The following PTPRT variants were observed in gnomAD, a reference collection of about 807,000 sequenced individuals.
PTPRT encodes the protein receptor-type tyrosine-protein phosphatase T.
PTPRT carries 56 observed loss-of-function variants against 176.8 expected under a neutral mutation model. The observed-to-expected ratio is 0.32, with a 90% CI of 0.26 to 0.40. The LOEUF (loss-of-function observed/expected upper bound fraction) is 0.40. Among genes scored for constraint, PTPRT ranks in the 10% least tolerant of loss-of-function variants. PTPRT has a pLI of 1.00. For missense variants in PTPRT, 1,540 were observed against 1,908.2 expected (o/e 0.81, Z 3.60); for synonymous variants, 783 against 739.0 (o/e 1.06, Z -0.96).
At chr20:43,141,342 T>C (rs2013996523) in intron 1 of PTPRT, among the ~76,000 whole-genome samples, 2 of 152,286 alleles carry the variant, frequency 1.3e-5, no homozygotes, top group South Asian at 4.2e-4. Context: ...GCATCTGTGA[T>C]CAGCAGCTGC....
chr20:42,917,277 T>A (rs1041765271), intron 1 of PTPRT, among the ~76,000 whole-genome samples: 2 of 152,168 alleles, frequency 1.3e-5, no homozygotes, highest in African/African-American at 4.8e-5. Flanking sequence ...GTTGTAGCTA[T>A]GCGGCATTAT....
intron 1 of PTPRT, among the ~76,000 whole-genome samples, chr20:42,949,106 T>C (rs1010345212): frequency 2.0e-5 from 3 of 152,142 alleles, no homozygotes; most frequent in Non-Finnish European, 4.4e-5. Context: ...AAACAGAAAC[T>C]TGGGATGCTT....
Position 43,112,363 on chromosome 20 carries a change from T to C in PTPRT, c.88+77283A>G, listed in dbSNP as rs138137300. On this transcript the variant is annotated intron_variant, in intron 1 of 30. Transcript: ENST00000373187. ...ATTGTAGAAATGGGATCCTCTTTGC[T>C]TGTAAACAATGGCATGGGAAATTTC... is the stretch of plus-strand genomic sequence containing the variant. 5.5e-3 allele frequency among the ~76,000 whole-genome samples: 838 copies of C among 152,310 alleles called. 7 individuals are homozygous for C. The highest frequency in any genetic ancestry group is 0.019 in the African/African-American group (799 of 41,582).
intron 1 of PTPRT, among the ~76,000 whole-genome samples, chr20:43,011,201 A>G (rs974965429): frequency 2.0e-5 from 3 of 152,198 alleles, no homozygotes; most frequent in Non-Finnish European, 2.9e-5. Context: ...AGCATTAGGC[A>G]GGCTACAGAG....
intron 1 of PTPRT, among the ~76,000 whole-genome samples, chr20:43,074,177 G>T (rs76382584): frequency 6.6e-6 from 1 of 152,154 alleles, no homozygotes; most frequent in Non-Finnish European, 1.5e-5. Flanking sequence ...ATGAAAAAAG[G>T]TTGAAAAACT....
At chr20:42,383,702 T>C (rs937046522) in intron 9 of PTPRT, among the ~76,000 whole-genome samples, 3 of 152,306 alleles carry the variant, frequency 2.0e-5, no homozygotes, top group Non-Finnish European at 4.4e-5. Context: ...AATACCACTA[T>C]ATCATGTGTA....
At chr20:42,543,437 T>C (rs2072618924) in intron 7 of PTPRT, among the ~76,000 whole-genome samples, 1 of 152,306 alleles carries the variant, frequency 6.6e-6, no homozygotes, top group African/African-American at 2.4e-5. Context: ...TTGCATCAAT[T>C]CAGCTATATC....
At chr20:42,984,992 C>G (rs770268960) in intron 1 of PTPRT, among the ~76,000 whole-genome samples, 43 of 152,148 alleles carry the variant, frequency 2.8e-4, no homozygotes, top group South Asian at 1.2e-3. Flanking sequence ...GGTAAGACAG[C>G]AGGCAATTCA....
At chr20:42,710,149 C>T (rs936106091) in intron 6 of PTPRT, among the ~76,000 whole-genome samples, 6 of 152,078 alleles carry the variant, frequency 3.9e-5, no homozygotes, top group African/African-American at 1.4e-4. Flanking sequence ...GCAGCCTGGC[C>T]ATATGGGAGA....
chr20:42,046,324 A>G, the PTPRT span, among the ~76,000 whole-genome samples: 1 of 152,258 alleles, frequency 6.6e-6, no homozygotes, highest in African/African-American at 2.4e-5. Context: ...TGGAGAATTC[A>G]ACAATGGCAC....
chr20:42,331,156 C>T (rs1269863102), intron 11 of PTPRT, among the ~76,000 whole-genome samples: 1 of 151,826 alleles, frequency 6.6e-6, no homozygotes, highest in Non-Finnish European at 1.5e-5. Context: ...CTTTATACTC[C>T]TGTCAAGTTC....
At chr20:43,099,876 C>CTAT (rs2012320108) in intron 1 of PTPRT, among the ~76,000 whole-genome samples, 1 of 152,140 alleles carries the variant, frequency 6.6e-6, no homozygotes, top group African/African-American at 2.4e-5. Context: ...GACTTCTCTT[C>CTAT]TATTAGCCCA....
At chr20:42,936,517 G>A (rs546776498) in intron 1 of PTPRT, among the ~76,000 whole-genome samples, 24 of 152,292 alleles carry the variant, frequency 1.6e-4, no homozygotes, top group African/African-American at 5.8e-4. Context: ...ACTGGTGGGG[G>A]GTGGCCTGAG....
At chr20:43,153,081 G>A (rs1386387809) in intron 1 of PTPRT, among the ~76,000 whole-genome samples, 1 of 152,140 alleles carries the variant, frequency 6.6e-6, no homozygotes, top group East Asian at 1.9e-4. Context: ...TAAGACCAAG[G>A]GGCATTTACC....
intron 18 of PTPRT, among the ~76,000 whole-genome samples, chr20:42,131,426 C>T (rs1378060669): frequency 6.6e-6 from 1 of 152,062 alleles, no homozygotes; most frequent in Non-Finnish European, 1.5e-5. Context: ...GCCCCTGGGG[C>T]CCATAGCACT....
At chr20:42,169,976 T>C (rs1990009740) in intron 16 of PTPRT, among the ~76,000 whole-genome samples, 1 of 152,174 alleles carries the variant, frequency 6.6e-6, no homozygotes. Context: ...AATAAAAATC[T>C]TTTATATGAT....
intron 7 of PTPRT, among the ~76,000 whole-genome samples, chr20:42,500,539 T>C (rs558667786): frequency 2.0e-5 from 3 of 152,218 alleles, no homozygotes; most frequent in Non-Finnish European, 2.9e-5. Context: ...TAGTATAACA[T>C]TGTTTTGCTT....
chr20:42,404,506 G>C (rs746540911), intron 9 of PTPRT, among the ~76,000 whole-genome samples: 4 of 152,082 alleles, frequency 2.6e-5, no homozygotes, highest in Non-Finnish European at 5.9e-5. Flanking sequence ...AGAAAAATTT[G>C]ACTACAGGGC....
At chr20:42,431,583 A>G (rs2059216059) in intron 9 of PTPRT, among the ~76,000 whole-genome samples, 1 of 152,228 alleles carries the variant, frequency 6.6e-6, no homozygotes, top group South Asian at 2.1e-4. Context: ...CAAAATTAGC[A>G]CTGTGGTAGA....
Sources: gnomAD v4.1 joint callset for allele counts (sites outside exome capture counted in the v4.1 genomes callset) on GRCh38, gnomAD v4.1.1 for gene constraint, MANE v1.5 for transcripts, NCBI Gene and HGNC (gene_info 2026-07-23, HGNC 2026-07-21) for gene names.